Variants in PBX1 observed in about 807,000 individuals in gnomAD.
PBX1 encodes the protein PBX homeobox 1.
In PBX1, 6 loss-of-function variants were observed where a neutral mutation model predicts 53.4. That is an observed-to-expected ratio of 0.11 (90% CI 0.06 to 0.22). PBX1 has a LOEUF of 0.22. Ranked by LOEUF, PBX1 falls within the 10% of genes least tolerant of loss-of-function variation. The pLI is 1.00. For missense variants in PBX1, 251 were observed against 551.4 expected (o/e 0.46, Z 5.46); for synonymous variants, 204 against 212.3 (o/e 0.96, Z 0.34).
intron 2 of PBX1, among the ~76,000 whole-genome samples, chr1:164,673,436 G>A (rs2101977431): frequency 7.0e-6 from 1 of 142,226 alleles, no homozygotes; most frequent in African/African-American, 2.9e-5. Context: ...CAACCTCTCT[G>A]GCATTTTTTT....
chr1:164,744,087 C>T (rs1226474038), intron 2 of PBX1, among the ~76,000 whole-genome samples: 2 of 152,102 alleles, frequency 1.3e-5, no homozygotes, highest in East Asian at 3.9e-4. Context: ...TCCCGCAGCA[C>T]CAGGAGATAC....
intron 2 of PBX1, among the ~76,000 whole-genome samples, chr1:164,726,039 T>G (rs896445422): frequency 3.9e-5 from 6 of 152,236 alleles, no homozygotes; most frequent in African/African-American, 1.4e-4. Context: ...AGATGTTATC[T>G]TACTGGAAAA....
rs1668569299 is a variant in PBX1 at position 164,792,581 on chromosome 1, C to T, written c.353C>T (p.Ala118Val). The change falls in exon 3 of 9, where the codon GCG (alanine) becomes GTG (valine). Residue 118 changes from alanine to valine, a missense_variant. Physicochemically the swap from Ala to Val is moderately conservative, Grantham distance 64 (BLOSUM62 0). Coordinates refer to ENST00000420696, the MANE Select transcript of PBX1 (RefSeq NM_002585.4). Reference protein sequence around the residue: ...LDNMLLAEGVAGPEKGGGSAA... With the variant: ...LDNMLLAEGVVGPEKGGGSAA... Reference sequence around the variant, plus strand: ...AACATGCTGTTAGCGGAAGGCGTGGCGGGGCCTGAGAAGGGCGGAGGGTCG... The same window carrying T: ...AACATGCTGTTAGCGGAAGGCGTGGTGGGGCCTGAGAAGGGCGGAGGGTCG... 1 of 1,613,904 alleles carries T rather than the reference C, an allele frequency of 6.2e-7. No individual in the cohort carries two copies.
intron 2 of PBX1, among the ~76,000 whole-genome samples, chr1:164,671,317 C>T (rs142403506): frequency 1.3e-5 from 2 of 151,916 alleles, no homozygotes; most frequent in East Asian, 3.9e-4. Context: ...TAAAAATAAT[C>T]AATTTCAGAT....
chr1:164,789,842 G>T (rs1668402300), intron 2 of PBX1, among the ~76,000 whole-genome samples: 1 of 152,208 alleles, frequency 6.6e-6, no homozygotes, highest in Non-Finnish European at 1.5e-5. Context: ...GGCCTCTTCT[G>T]AAGGAAGTAT....
At chr1:164,774,664 A>G (rs1256937819) in intron 2 of PBX1, 2 of 152,210 alleles carry the variant, frequency 1.3e-5, no homozygotes, top group Non-Finnish European at 2.9e-5. Context: ...GTTCAAATCC[A>G]GTAACTTCAA....
chr1:164,700,445 G>C (rs1353363049), intron 2 of PBX1: 15 of 985,002 alleles, frequency 1.5e-5, no homozygotes, highest in Non-Finnish European at 1.8e-5. Context: ...GGTTACGTAG[G>C]GGAGGAGATT....
intron 2 of PBX1, among the ~76,000 whole-genome samples, chr1:164,727,697 A>T (rs1410307419): frequency 6.6e-6 from 1 of 152,216 alleles, no homozygotes. Flanking sequence ...CACATCTGCT[A>T]TGAGGCTCTT....
At chr1:164,841,529 G>C (rs1323138047) in intron 8 of PBX1, among the ~76,000 whole-genome samples, 2 of 152,146 alleles carry the variant, frequency 1.3e-5, no homozygotes, top group Non-Finnish European at 1.5e-5. Context: ...GGAATACCCA[G>C]ACCGGGCCTG....
chr1:164,864,017 T>G (rs536618306), intron 2 of PBX1, among the ~76,000 whole-genome samples: 13 of 152,292 alleles, frequency 8.5e-5, no homozygotes, highest in Admixed American at 3.3e-4. Flanking sequence ...ATAGTCCCCA[T>G]GTTCTTCCCT....
chr1:164,640,018 C>A (rs1659022490), intron 2 of PBX1, among the ~76,000 whole-genome samples: 1 of 152,002 alleles, frequency 6.6e-6, no homozygotes, highest in Non-Finnish European at 1.5e-5. Context: ...TAGACGAAGC[C>A]CCTGCCAAAG....
intron 2 of PBX1, chr1:164,590,375 G>C: frequency 2.2e-6 from 1 of 455,980 alleles, no homozygotes; most frequent in Non-Finnish European, 4.4e-6. Flanking sequence ...TTTGTGCTCT[G>C]GACTTGCTCA....
intron 2 of PBX1, among the ~76,000 whole-genome samples, chr1:164,653,986 T>C (rs1218496413): frequency 6.6e-6 from 1 of 152,218 alleles, no homozygotes; most frequent in African/African-American, 2.4e-5. Context: ...AAAATTCTGC[T>C]CCTTTTTCCC....
chr1:164,804,290 A>G (rs1308684631), intron 4 of PBX1, among the ~76,000 whole-genome samples: 1 of 152,228 alleles, frequency 6.6e-6, no homozygotes, highest in Non-Finnish European at 1.5e-5. Context: ...GATATATTAT[A>G]AAGTGGACTA....
At chr1:164,643,593 C>A in intron 2 of PBX1, among the ~76,000 whole-genome samples, 1 of 152,124 alleles carries the variant, frequency 6.6e-6, no homozygotes, top group East Asian at 1.9e-4. Context: ...TGTTTGTTTC[C>A]AATGGTACAT....
intron 2 of PBX1, among the ~76,000 whole-genome samples, chr1:164,646,757 G>T (rs535888623): frequency 6.6e-6 from 1 of 152,250 alleles, no homozygotes; most frequent in East Asian, 1.9e-4. Context: ...TCCAACTACC[G>T]CCATGTCTCT....
At chr1:164,648,586 C>T (rs573404207) in intron 2 of PBX1, among the ~76,000 whole-genome samples, 1 of 152,248 alleles carries the variant, frequency 6.6e-6, no homozygotes, top group African/African-American at 2.4e-5. Flanking sequence ...TCTCTGGGTC[C>T]CAAAACCTGT....
chr1:164,567,746 G>A (rs1182651956), intron 2 of PBX1, among the ~76,000 whole-genome samples: 2 of 152,164 alleles, frequency 1.3e-5, no homozygotes, highest in African/African-American at 2.4e-5. Context: ...TGGCTTTTGA[G>A]AAGTGCAAAG....
chr1:164,868,158 C>G (rs1672263831), intron 2 of PBX1, among the ~76,000 whole-genome samples: 2 of 152,180 alleles, frequency 1.3e-5, no homozygotes, highest in African/African-American at 4.8e-5. Flanking sequence ...TGCACAATAC[C>G]AGGCTAAGAA....
Sources: gnomAD v4.1 joint callset for allele counts (sites outside exome capture counted in the v4.1 genomes callset) on GRCh38, gnomAD v4.1.1 for gene constraint, MANE v1.5 for transcripts, NCBI Gene and HGNC (gene_info 2026-07-23, HGNC 2026-07-21) for gene names.